CBLIF: variants seen among roughly 807,000 people sequenced by gnomAD.
CBLIF encodes the protein gastric intrinsic factor (vitamin B synthesis).
In CBLIF, 24 loss-of-function variants were observed where a neutral mutation model predicts 44.9. That is an observed-to-expected ratio of 0.53 (90% CI 0.39 to 0.75). CBLIF has a LOEUF of 0.75. Ranked by LOEUF, CBLIF falls within the 30% of genes least tolerant of loss-of-function variation. CBLIF has a pLI of 0.00. For synonymous variants in CBLIF, 183 were observed against 190.9 expected, an observed-to-expected ratio of 0.96 and a Z score of 0.34; for missense variants, 481 against 513.0, an observed-to-expected ratio of 0.94 and a Z score of 0.60.
rs373500610 is a variant in CBLIF at position 59,836,099 on chromosome 11, A to G, written c.872-90T>C. On this transcript the variant is annotated intron_variant, in intron 6 of 8. Coordinates refer to ENST00000257248, the MANE Select transcript of CBLIF (RefSeq NM_005142.3). ...TCTGTTATTGGCAACTTACCCCAGA[A>G]GACATTTTGAGAAAGTAGTGAGTTT... The G allele has an allele frequency of 1.6e-5, 15 of 955,754 alleles. No homozygotes were observed. The African/African-American group carries it at 1.8e-4, about 11-fold the overall frequency. 59.2% of individuals were successfully genotyped at this position (955,754 alleles called of 1,614,324 possible).
Position 59,835,898 on chromosome 11 carries a change from A to C in CBLIF, c.983T>G (p.Leu328Arg). 1 of 1,614,008 alleles carries C rather than the reference A, an allele frequency of 6.2e-7. No individual in the cohort carries two copies. The highest frequency in any genetic ancestry group is 8.5e-7 in the Non-Finnish European group (1 of 1,179,866). The change falls in exon 7 of 9, where the codon CTC becomes CGC. Residue 328 changes from leucine (L) to arginine (R), a missense_variant. Physicochemically the swap from Leu to Arg is moderately radical, Grantham distance 102. Transcript: ENST00000257248. ...ACTAACATTGATGGTCTCGTTGAAG[A>C]GCAGCTCAACCCCCCTCAGCTGGTT... ...INNQLRGVEL[L>R]FNETINVSVK... is the part of the protein sequence containing the mutation.
chr11:59,842,544 A>C lies in CBLIF; in HGVS notation c.410T>G (p.Leu137Arg). ...CTTCTGGCACAGTGCCAAGATCGCT[A>C]GACTGGGCCCATAGAAGGCTGATGC... ...AEASAFYGPS[L>R]AILALCQKNS... The change falls in exon 4 of 9, where the codon CTA (leucine) becomes CGA (arginine). Residue 137 changes from leucine to arginine, a missense_variant. Coordinates refer to ENST00000257248, the MANE Select transcript of CBLIF (RefSeq NM_005142.3). 1 of 1,613,910 alleles carries C rather than the reference A, an allele frequency of 6.2e-7. No homozygotes were observed. The highest frequency in any genetic ancestry group is 8.5e-7 in the Non-Finnish European group (1 of 1,179,884).
At chr11:59,842,631 G>A in intron 3 of CBLIF, 48 bp from the exon 4 acceptor site, 1 of 1,587,836 alleles carries the variant, frequency 6.3e-7, no homozygotes, top group Middle Eastern at 1.7e-4. Flanking sequence ...TCACCACGAT[G>A]AGGACATTTG....
intron 2 of CBLIF, 29 bp from the exon 3 acceptor site, chr11:59,843,170 C>T (rs1565210234): frequency 7.4e-7 from 1 of 1,347,018 alleles, no homozygotes; most frequent in Non-Finnish European, 1.1e-6. Flanking sequence ...AACGGTTAGA[C>T]AGAGACATCC....
rs57364350 is a variant in CBLIF at position 59,834,240 on chromosome 11, TTTTC to T, written c.1073+1564_1073+1567del. On this transcript the variant is annotated intron_variant, in intron 7 of 8. Coordinates refer to ENST00000257248, the MANE Select transcript of CBLIF (RefSeq NM_005142.3). The stretch of plus-strand genomic sequence containing the variant: ...CCTTTCTGTTTCTTTCTTTCTTTCT[TTTTC>T]TTTCTTTCTTTCTTTCTTTCTTTCT... 3.1e-3 allele frequency among the ~76,000 whole-genome samples: 358 copies of T among 115,160 alleles called. 5 individuals carry two copies. The highest frequency in any genetic ancestry group is 5.4e-3 in the African/African-American group (155 of 28,722). The allele number at this position is 115,160 out of a possible 152,430, so 75.5% of individuals were successfully genotyped here.
At position 59,832,357 on chromosome 11, in the gene CBLIF, G is replaced by C. The variant is rs544644361; in HGVS notation, c.1074-561C>G. The stretch of plus-strand genomic sequence containing the variant: ...AGGTTGGGAGGAGGGACAGGATCAG[G>C]AGAAATAACTAATGGGTAGTAGAAT... On this transcript the variant is annotated intron_variant, in intron 7 of 8. Transcript: ENST00000257248. Among the ~76,000 whole-genome samples, 3 of 152,240 alleles carry C rather than the reference G, an allele frequency of 2.0e-5. No homozygotes were observed. The East Asian group carries it at 5.8e-4, about 29-fold the overall frequency.
At chr11:59,843,854 A>T (rs768456659) in intron 2 of CBLIF, 25 bp downstream of exon 2, 3 of 1,575,306 alleles carry the variant, frequency 1.9e-6, no homozygotes, top group Non-Finnish European at 2.6e-6. Flanking sequence ...ATTCAGGGAG[A>T]GTGCGAGCGG....
At chr11:59,829,640 T>C in intron 8 of CBLIF, 95 bp from the exon 9 acceptor site, 3 of 761,502 alleles carry the variant, frequency 3.9e-6, no homozygotes, top group African/African-American at 1.7e-5. Context: ...AGTGAACCCA[T>C]TAAATGTTTT....
In CBLIF at chr11:59,831,771, C is replaced by A; in HGVS notation, c.1099G>T (p.Gly367Cys). Residue 367 changes from glycine (G) to cysteine (C), a missense_variant, in exon 8 of 9, where the codon GGC (glycine) becomes TGC (cysteine). Gly to Cys is a radical substitution (Grantham distance 159). Transcript: ENST00000257248. ...FKFETTMTSWGLVVSSINNIA... is the reference protein window; with the variant it reads ...FKFETTMTSWCLVVSSINNIA... ...TTGTTGATAGAAGAGACGACAAGGC[C>A]CCAAGATGTCATTGTGGTTTCAAAT... 1 of 1,597,754 alleles carries A rather than the reference C, an allele frequency of 6.3e-7. No homozygotes were observed. Among genetic ancestry groups the A allele is most frequent in the Non-Finnish European group, 8.6e-7 (1 of 1,165,438 alleles).
chr11:59,842,608 A>G (rs1319549915), intron 3 of CBLIF, 25 bp from the exon 4 acceptor site: 1 of 1,610,832 alleles, frequency 6.2e-7, no homozygotes, highest in Non-Finnish European at 8.5e-7. Context: ...GAGAACCTTC[A>G]TCAGACTCAC....
At position 59,842,535 on chromosome 11, in the gene CBLIF, A is replaced by G. The variant is rs762781889; in HGVS notation, c.419T>C (p.Leu140Ser). ...CTCAGAGTTCTTCTGGCACAGTGCC[A>G]AGATCGCTAGACTGGGCCCATAGAA... is the stretch of plus-strand genomic sequence containing the variant. ...SAFYGPSLAILALCQKNSEAT... is the reference protein window; with the variant it reads ...SAFYGPSLAISALCQKNSEAT... The change falls in exon 4 of 9, where the codon TTG (leucine) becomes TCG (serine). Residue 140 changes from leucine (L) to serine (S), a missense_variant. By Grantham distance (145) the Leu-to-Ser change is moderately radical (BLOSUM62 -2). Coordinates refer to ENST00000257248, the MANE Select transcript of CBLIF (RefSeq NM_005142.3). 6.2e-6 allele frequency: 10 copies of G among 1,613,916 alleles called. No homozygotes were observed. The highest frequency in any genetic ancestry group is 8.5e-6 in the Non-Finnish European group (10 of 1,179,918).
chr11:59,830,428 G>A (rs1166075175), intron 8 of CBLIF, among the ~76,000 whole-genome samples: 5 of 151,716 alleles, frequency 3.3e-5, no homozygotes, highest in Non-Finnish European at 5.9e-5. Context: ...TAGTAGAGAC[G>A]GGGTTTCACC....
chr11:59,835,721 GA>G (rs544589103), intron 7 of CBLIF, 86 bp downstream of exon 7: 67 of 1,104,800 alleles, frequency 6.1e-5, no homozygotes, highest in East Asian at 1.2e-4. Flanking sequence ...TTATCAAAAG[GA>G]AAAAAATTAG....
At chr11:59,832,341 G>C (rs527590186) in intron 7 of CBLIF, among the ~76,000 whole-genome samples, 5 of 152,282 alleles carry the variant, frequency 3.3e-5, no homozygotes, top group Middle Eastern at 3.4e-3. Context: ...CAGGTTGGGA[G>C]GAGGGACAGG....
chr11:59,830,722 TCCAATCCTTACAATAAC>T (rs1256996150), intron 8 of CBLIF, among the ~76,000 whole-genome samples: 3 of 152,176 alleles, frequency 2.0e-5, no homozygotes, highest in African/African-American at 7.2e-5. Context: ...GTATATTATT[TCCAATCCTTACAATAAC>T]CCAATAAATG....
chr11:59,841,032 G>A, intron 5 of CBLIF, 111 bp downstream of exon 5: 1 of 841,704 alleles, frequency 1.2e-6, no homozygotes, highest in Non-Finnish European at 2.1e-6. Context: ...ATATATCTCA[G>A]GTCATACTAG....
chr11:59,834,236 TTCTTTTTCTTTC>T (rs1420322322), intron 7 of CBLIF, among the ~76,000 whole-genome samples: 13 of 148,998 alleles, frequency 8.7e-5, no homozygotes, highest in African/African-American at 2.5e-4. Flanking sequence ...CTTTCTTTCT[TTCTTTTTCTTTC>T]TTTCTTTCTT....
At chr11:59,841,988 A>G (rs1866537090) in intron 4 of CBLIF, among the ~76,000 whole-genome samples, 1 of 152,178 alleles carries the variant, frequency 6.6e-6, no homozygotes, top group Admixed American at 6.5e-5. Flanking sequence ...GGGAAATATC[A>G]CGAGTTAGGG....
Position 59,841,141 on chromosome 11 carries a change from A to T in CBLIF, c.693+2T>A. 6.2e-7 allele frequency: 1 copy of T among 1,609,406 alleles called. No homozygotes were observed. The highest frequency in any genetic ancestry group is 8.5e-7 in the Non-Finnish European group (1 of 1,175,648). ...AACCAAGAGCATCCAGCACGTGTTT[A>T]CCTGCATGGCGAGGCCAGTACTGTA... On this transcript the variant is annotated splice_donor_variant, in intron 5 of 8. Transcript: ENST00000257248. LOFTEE classifies it high-confidence loss of function.
Sources: gnomAD v4.1 joint callset for allele counts (sites outside exome capture counted in the v4.1 genomes callset) on GRCh38, gnomAD v4.1.1 for gene constraint, MANE v1.5 for transcripts, NCBI Gene and HGNC (gene_info 2026-07-23, HGNC 2026-07-21) for gene names.